Variants in DLAT observed in about 807,000 individuals in gnomAD.
DLAT encodes the protein dihydrolipoamide S-acetyltransferase.
A neutral mutation model predicts 68.0 loss-of-function variants in DLAT; 43 were observed. The ratio of observed to expected loss-of-function variants is 0.63; its 90% CI spans 0.50 to 0.81. DLAT has a LOEUF of 0.81. Ranked by LOEUF, DLAT falls within the 40% of genes least tolerant of loss-of-function variation. The pLI is 0.00. For missense variants in DLAT, 745 were observed against 815.4 expected (o/e 0.91, Z 1.05); for synonymous variants, 265 against 288.6 (o/e 0.92, Z 0.83).
Position 112,039,301 on chromosome 11 carries a change from C to G in DLAT, c.1033C>G (p.Pro345Ala). Residue 345 changes from proline to alanine, a missense_variant, in exon 7 of 14, where the codon CCA becomes GCA. Pro to Ala is a conservative substitution (Grantham distance 27). Transcript: ENST00000280346. ...PLAPTPSAPC[P>A]ATPAGPKGRV... Reference sequence around the variant, plus strand: ...AGCTCCTACACCTTCAGCACCCTGCCCAGCTACTCCTGCTGGACCAAAGGG... The same window carrying G: ...AGCTCCTACACCTTCAGCACCCTGCGCAGCTACTCCTGCTGGACCAAAGGG... The G allele has an allele frequency of 2.5e-6, 4 of 1,614,114 alleles. No homozygotes were observed. Among genetic ancestry groups the G allele is most frequent in the Non-Finnish European group, 2.5e-6 (3 of 1,180,022 alleles).
chr11:112,052,886 G>A (rs73568032), intron 11 of DLAT, among the ~76,000 whole-genome samples: 7,005 of 151,980 alleles, frequency 0.046, 435 homozygotes, highest in African/African-American at 0.14. Context: ...CTAAGTATCC[G>A]TCATGGAGCT....
chr11:112,025,652 CTGGA>C lies in DLAT; in HGVS notation c.181_184del (p.Trp61ProfsTer47). On this transcript the variant is annotated frameshift_variant, in exon 1 of 14. Coordinates refer to ENST00000280346, the MANE Select transcript of DLAT (RefSeq NM_001931.5). LOFTEE classifies it high-confidence loss of function. ...ATGGCGGGGTCCGGGCACTGTGCGGCTGGACCCCCAGTTCTGGGGCCACGCCGCG... is the reference window on the plus strand; with the variant it reads ...ATGGCGGGGTCCGGGCACTGTGCGGCCCCCCAGTTCTGGGGCCACGCCGCG... 1 of 1,613,234 alleles carries C rather than the reference CTGGA, an allele frequency of 6.2e-7. No individual in the cohort carries two copies.
chr11:112,054,271 GCACGCGC>G (rs1863863224), intron 11 of DLAT, among the ~76,000 whole-genome samples: 2 of 152,198 alleles, frequency 1.3e-5, no homozygotes, highest in East Asian at 3.9e-4. Context: ...AGCTGGGATT[GCACGCGC>G]CACTGCACTC....
At chr11:112,028,761 A>G (rs1343995868) in intron 3 of DLAT, 31 bp from the exon 4 acceptor site, 2 of 1,614,148 alleles carry the variant, frequency 1.2e-6, no homozygotes, top group East Asian at 2.2e-5. Context: ...GAATCTGCCC[A>G]TTATATTTAT....
chr11:112,062,623 T>C lies in DLAT; in HGVS notation c.*88T>C. ...ATGTTATTAAACAGGTGGTTCTTTT[T>C]ATTTTAACCAGTTATTTTTATTATT... On this transcript the variant is annotated 3_prime_UTR_variant, in exon 14 of 14. Coordinates refer to ENST00000280346, the MANE Select transcript of DLAT (RefSeq NM_001931.5). 3 of 1,433,662 alleles carry C rather than the reference T, an allele frequency of 2.1e-6. No homozygotes were observed. 88.8% of individuals were successfully genotyped at this position (1,433,662 alleles called of 1,614,324 possible). A position where few individuals can be genotyped will look rare whatever the true frequency, so the allele number is the denominator to read the frequency against.
intron 11 of DLAT, among the ~76,000 whole-genome samples, chr11:112,053,348 T>G (rs921693344): frequency 2.0e-5 from 3 of 152,128 alleles, no homozygotes; most frequent in Non-Finnish European, 2.9e-5. Context: ...TAATAAATAT[T>G]AAATTTAGGT....
At chr11:112,058,642 CTT>C (rs587655131) in intron 11 of DLAT, among the ~76,000 whole-genome samples, 1 of 139,546 alleles carries the variant, frequency 7.2e-6, no homozygotes, top group African/African-American at 2.7e-5. Flanking sequence ...GGGGAATCAC[CTT>C]TTTTTTTTTC....
At chr11:112,047,026 T>A (rs1207234424) in intron 10 of DLAT, among the ~76,000 whole-genome samples, 2 of 152,236 alleles carry the variant, frequency 1.3e-5, no homozygotes, top group African/African-American at 4.8e-5. Flanking sequence ...TGGTTCTAGA[T>A]CCTTGAGGAA....
chr11:112,057,959 CAGTGT>C (rs1426291591), intron 11 of DLAT, among the ~76,000 whole-genome samples: 1 of 152,174 alleles, frequency 6.6e-6, no homozygotes, highest in African/African-American at 2.4e-5. Context: ...TAGTAGACAA[CAGTGT>C]AGTGTTAAGC....
intron 10 of DLAT, among the ~76,000 whole-genome samples, chr11:112,046,318 C>T (rs1863314271): frequency 6.6e-6 from 1 of 152,072 alleles, no homozygotes; most frequent in Non-Finnish European, 1.5e-5. Flanking sequence ...AGGAATCCAA[C>T]CATTGTTTTG....
At chr11:112,053,396 A>G (rs782487725) in intron 11 of DLAT, among the ~76,000 whole-genome samples, 1 of 151,338 alleles carries the variant, frequency 6.6e-6, no homozygotes, top group East Asian at 1.9e-4. Context: ...ACTTGTTCTA[A>G]CCCTTAATCT....
At chr11:112,031,516 A>C (rs1415165866) in intron 4 of DLAT, among the ~76,000 whole-genome samples, 1 of 151,916 alleles carries the variant, frequency 6.6e-6, no homozygotes, top group African/African-American at 2.4e-5. Context: ...TCCTGGGTTC[A>C]AGCGATTCTC....
chr11:112,052,664 G>A (rs1863722095), intron 11 of DLAT, among the ~76,000 whole-genome samples: 1 of 152,020 alleles, frequency 6.6e-6, no homozygotes, highest in Non-Finnish European at 1.5e-5. Context: ...ATTAAATCTT[G>A]TTGAAGGGTC....
At chr11:112,028,018 T>G (rs587619863) in intron 2 of DLAT, among the ~76,000 whole-genome samples, 5 of 152,282 alleles carry the variant, frequency 3.3e-5, no homozygotes, top group African/African-American at 9.6e-5. Flanking sequence ...GACTGAACAT[T>G]GACTTTCTGG....
At chr11:112,057,661 G>A (rs375702746) in intron 11 of DLAT, among the ~76,000 whole-genome samples, 4 of 152,170 alleles carry the variant, frequency 2.6e-5, no homozygotes, top group East Asian at 3.8e-4. Flanking sequence ...TGAGGAAGCC[G>A]CGTAACAGAA....
chr11:112,060,312 C>T (rs1864496912), intron 12 of DLAT, among the ~76,000 whole-genome samples: 2 of 151,960 alleles, frequency 1.3e-5, no homozygotes, highest in South Asian at 2.1e-4. Context: ...AGGCACCTGC[C>T]ACCACGCCCG....
At chr11:112,037,864 A>G (rs1172274873) in intron 6 of DLAT, among the ~76,000 whole-genome samples, 3 of 149,724 alleles carry the variant, frequency 2.0e-5, no homozygotes, top group Non-Finnish European at 4.4e-5. Flanking sequence ...TTCATTGCCC[A>G]TTTATTATTA....
intron 8 of DLAT, 146 bp from the exon 9 acceptor site, chr11:112,044,992 G>A (rs1863229281): frequency 7.1e-6 from 5 of 704,512 alleles, no homozygotes; most frequent in South Asian, 5.9e-5. Context: ...CCATGATTGA[G>A]CCACTGCATT....
intron 5 of DLAT, among the ~76,000 whole-genome samples, chr11:112,034,178 A>C (rs145662028): frequency 1.1e-3 from 165 of 152,336 alleles, no homozygotes; most frequent in African/African-American, 3.7e-3. Context: ...GCTATATCAG[A>C]ATTGCTGCTG....
Sources: allele counts gnomAD v4.1 joint callset (sites outside exome capture counted in the v4.1 genomes callset), GRCh38; gene constraint gnomAD v4.1.1; transcripts MANE v1.5; gene names NCBI Gene and HGNC (gene_info 2026-07-23, HGNC 2026-07-21).